The following SLC5A1 variants were observed in gnomAD, a reference collection of about 807,000 sequenced individuals.
The protein encoded by SLC5A1 is sodium/glucose cotransporter 1.
SLC5A1 carries 42 observed loss-of-function variants against 73.5 expected under a neutral mutation model. The ratio of observed to expected loss-of-function variants is 0.57; its 90% CI spans 0.45 to 0.74. SLC5A1 has a LOEUF of 0.74. Among genes scored for constraint, SLC5A1 ranks in the 30% least tolerant of loss-of-function variants. The pLI is 0.00. For synonymous variants in SLC5A1, 300 were observed against 317.4 expected (o/e 0.95, Z 0.58); for missense variants, 634 against 855.4 (o/e 0.74, Z 3.23).
intron 11 of SLC5A1, 33 bp downstream of exon 11, chr22:32,091,795 T>C: frequency 6.2e-7 from 1 of 1,612,102 alleles, no homozygotes; most frequent in Non-Finnish European, 8.5e-7. Context: ...CACAAAAGCT[T>C]GAATGATCAG....
At chr22:32,045,104 C>T (rs1363891097) in intron 1 of SLC5A1, among the ~76,000 whole-genome samples, 1 of 152,120 alleles carries the variant, frequency 6.6e-6, no homozygotes, top group African/African-American at 2.4e-5. Context: ...TTTTATGGTA[C>T]CAGGCACTCT....
chr22:32,092,642 G>A (rs2094019907), intron 11 of SLC5A1, among the ~76,000 whole-genome samples: 2 of 151,940 alleles, frequency 1.3e-5, no homozygotes, highest in South Asian at 4.1e-4. Flanking sequence ...AGTCATTCTT[G>A]GAGTAAGGTG....
rs2094057294 is a variant in SLC5A1, at chr22:32,111,633, A to G, written c.*1420A>G. The stretch of plus-strand genomic sequence containing the variant: ...AAACTGAACGTATGTAGGTGAGGCA[A>G]GGCAGGGTAGGGCAGGGCCTTTGGG... On this transcript the variant is annotated 3_prime_UTR_variant, in exon 15 of 15. Coordinates refer to ENST00000266088, the MANE Select transcript of SLC5A1 (RefSeq NM_000343.4). 6.6e-6 allele frequency: 1 copy of G among 152,236 alleles called. No individual in the cohort carries two copies. Among genetic ancestry groups the G allele is most frequent in the Non-Finnish European group, 1.5e-5 (1 of 68,044 alleles). The allele number at this position is 152,236 out of a possible 1,614,324, so 9.4% of individuals were successfully genotyped here.
rs886057406 is a variant in SLC5A1, at chr22:32,110,396, G to C, written c.*183G>C. ...TAGTTTGCTGTTAATTTATGCATTT[G>C]AAGCCAGTGTGATACAGCCATCTGT... On this transcript the variant is annotated 3_prime_UTR_variant, in exon 15 of 15. Coordinates refer to ENST00000266088, the MANE Select transcript of SLC5A1 (RefSeq NM_000343.4). The C allele has an allele frequency of 1.1e-5, 7 of 654,116 alleles. No individual in the cohort carries two copies. The East Asian group carries it at 1.9e-4, about 18-fold the overall frequency. The allele number at this position is 654,116 out of a possible 1,614,324, so 40.5% of individuals were successfully genotyped here.
chr22:32,097,583 A>G (rs1176407088), intron 11 of SLC5A1, among the ~76,000 whole-genome samples: 1 of 152,206 alleles, frequency 6.6e-6, no homozygotes, highest in Non-Finnish European at 1.5e-5. Flanking sequence ...TCCTATCTAG[A>G]CCATTCCTTT....
intron 3 of SLC5A1, 64 bp from the exon 4 acceptor site, chr22:32,067,903 T>G: frequency 6.4e-7 from 1 of 1,550,418 alleles, no homozygotes; most frequent in Non-Finnish European, 8.9e-7. Context: ...TGAGGGGCCC[T>G]TCAGGTGGCA....
chr22:32,110,540 T>G lies in SLC5A1; in HGVS notation c.*327T>G, dbSNP rs2094054781. 2.2e-5 allele frequency: 9 copies of G among 407,478 alleles called. No individual in the cohort carries two copies. Among genetic ancestry groups the G allele is most frequent in the Non-Finnish European group, 4.2e-5 (9 of 216,484 alleles). The allele number at this position is 407,478 out of a possible 1,614,324, so 25.2% of individuals were successfully genotyped here. ...GTCTGTCTCAGGTAGATTCCGGGTGTCAGTGTGGTTTATAATCCTTGAATA... is the reference window on the plus strand; with the variant it reads ...GTCTGTCTCAGGTAGATTCCGGGTGGCAGTGTGGTTTATAATCCTTGAATA... On this transcript the variant is annotated 3_prime_UTR_variant, in exon 15 of 15. Transcript: ENST00000266088.
chr22:32,063,779 A>G (rs563294268), intron 2 of SLC5A1, among the ~76,000 whole-genome samples: 1 of 152,182 alleles, frequency 6.6e-6, no homozygotes, highest in Non-Finnish European at 1.5e-5. Flanking sequence ...AGAAAGAGCT[A>G]GGTGGCCATA....
rs1755615522 is a variant in SLC5A1, at chr22:32,043,493, G to T, written c.135+77G>T. On this transcript the variant is annotated intron_variant, in intron 1 of 14. Transcript: ENST00000266088. This position sits in a 1 kb window ranked among gnomAD's most constrained non-coding sequence, Gnocchi z 6.5. Reference sequence around the variant, plus strand: ...GCAATGGCCTCGCTGAGCTGCAAGGGGCAGTAGGCTTAAGTGTCGGTGGAG... The same window carrying T: ...GCAATGGCCTCGCTGAGCTGCAAGGTGCAGTAGGCTTAAGTGTCGGTGGAG... 1 of 1,502,580 alleles carries T rather than the reference G, an allele frequency of 6.7e-7. No individual in the cohort carries two copies. Among genetic ancestry groups the T allele is most frequent in the African/African-American group, 1.4e-5 (1 of 72,856 alleles). The allele number at this position is 1,502,580 out of a possible 1,614,324, so 93.1% of individuals were successfully genotyped here.
At chr22:32,070,377 A>G (rs1199466650) in intron 5 of SLC5A1, among the ~76,000 whole-genome samples, 1 of 150,044 alleles carries the variant, frequency 6.7e-6, no homozygotes, top group African/African-American at 2.5e-5. Context: ...CCAGACTGCC[A>G]GACTGGAGTG....
intron 5 of SLC5A1, among the ~76,000 whole-genome samples, chr22:32,074,065 G>A (rs540316643): frequency 6.6e-6 from 1 of 152,234 alleles, no homozygotes; most frequent in African/African-American, 2.4e-5. Context: ...GCAATGAGCA[G>A]GAGGGTGGTA....
intron 12 of SLC5A1, among the ~76,000 whole-genome samples, chr22:32,099,905 A>G (rs1022246687): frequency 1.4e-4 from 22 of 152,238 alleles, no homozygotes; most frequent in Admixed American, 1.2e-3. Context: ...CAGTTTATAC[A>G]TAAAACAAAG....
At chr22:32,104,579 C>T (rs1569317986) in intron 13 of SLC5A1, among the ~76,000 whole-genome samples, 1 of 152,154 alleles carries the variant, frequency 6.6e-6, no homozygotes, top group Non-Finnish European at 1.5e-5. Flanking sequence ...ATCATAGAGG[C>T]TAGTATATAC....
intron 11 of SLC5A1, among the ~76,000 whole-genome samples, chr22:32,095,215 T>TA (rs571793520): frequency 8.9e-4 from 136 of 152,312 alleles, no homozygotes; most frequent in African/African-American, 3.2e-3. Flanking sequence ...GTACTTGATA[T>TA]GATTTCAATT....
rs184958811 is a variant in SLC5A1, at chr22:32,079,139, C to G, written c.478-2727C>G. 3.8e-3 allele frequency among the ~76,000 whole-genome samples: 584 copies of G among 151,882 alleles called. 2 individuals carry two copies. Among genetic ancestry groups the G allele is most frequent in the Middle Eastern group, 0.01 (3 of 294 alleles). On this transcript the variant is annotated intron_variant, in intron 5 of 14. Coordinates refer to ENST00000266088, the MANE Select transcript of SLC5A1 (RefSeq NM_000343.4). ...GAAGAAAAGAAAACAAACAAACAAA[C>G]AAACAAAAAAAAACAACCCTAGTGG...
intron 5 of SLC5A1, among the ~76,000 whole-genome samples, chr22:32,070,671 A>G (rs1008150701): frequency 2.0e-5 from 3 of 152,062 alleles, no homozygotes; most frequent in African/African-American, 7.2e-5. Flanking sequence ...CTTCCTTGTA[A>G]GTGTTCAGGT....
chr22:32,043,273 G>T lies in SLC5A1; in HGVS notation c.-9G>T. 6.2e-7 allele frequency: 1 copy of T among 1,613,664 alleles called. No homozygotes were observed. Among genetic ancestry groups the T allele is most frequent in the Non-Finnish European group, 8.5e-7 (1 of 1,180,020 alleles). Reference sequence around the variant, plus strand: ...CCCTGGCGAGAGGGAAGGACGCAACGCTGCCACCATGGACAGTAGCACCTG... The same window carrying T: ...CCCTGGCGAGAGGGAAGGACGCAACTCTGCCACCATGGACAGTAGCACCTG... On this transcript the variant is annotated 5_prime_UTR_variant, in exon 1 of 15. Transcript: ENST00000266088. The surrounding 1 kb of genome is among the most constrained non-coding windows in gnomAD (Gnocchi z 6.5).
In SLC5A1 at chr22:32,099,033, C is replaced by T. The variant is rs570055882; in HGVS notation, c.1281-150C>T. 7.6e-3 allele frequency: 1,250 copies of T among 165,154 alleles called. 9 individuals carry two copies. Among genetic ancestry groups the T allele is most frequent in the Non-Finnish European group, 9.7e-3 (876 of 90,654 alleles). 10.2% of individuals were successfully genotyped at this position (165,154 alleles called of 1,614,324 possible). A position where few individuals can be genotyped will look rare whatever the true frequency, so the allele number is the denominator to read the frequency against. On this transcript the variant is annotated intron_variant, in intron 11 of 14. Transcript: ENST00000266088. Reference sequence around the variant, plus strand: ...TCCGGGTGGCAGAGCTTGCAGTGAGCGGAGATGCACCGCTGCACTCCAGCC... The same window carrying T: ...TCCGGGTGGCAGAGCTTGCAGTGAGTGGAGATGCACCGCTGCACTCCAGCC...
chr22:32,085,475 A>G (rs1381335612), intron 9 of SLC5A1, among the ~76,000 whole-genome samples: 1 of 151,160 alleles, frequency 6.6e-6, no homozygotes, highest in Non-Finnish European at 1.5e-5. Context: ...CTCCTGTGCT[A>G]GACAGTGAGC....
Sources: gnomAD v4.1 joint callset for allele counts (sites outside exome capture counted in the v4.1 genomes callset) on GRCh38, gnomAD v4.1.1 for gene constraint, Gnocchi (gnomAD v3.1) non-coding constraint, MANE v1.5 for transcripts, NCBI Gene and HGNC (gene_info 2026-07-23, HGNC 2026-07-21) for gene names.